The following TNFRSF8 variants were observed in gnomAD, a reference collection of about 807,000 sequenced individuals.
TNFRSF8 encodes the protein TNF receptor superfamily member 8, also known as tumor necrosis factor receptor superfamily member 8.
TNFRSF8 carries 26 observed loss-of-function variants against 70.8 expected under a neutral mutation model. The ratio of observed to expected loss-of-function variants is 0.37; its 90% CI spans 0.27 to 0.51. The LOEUF (loss-of-function observed/expected upper bound fraction) is 0.51. Ranked by LOEUF, TNFRSF8 falls within the 20% of genes least tolerant of loss-of-function variation. The pLI is 0.94. For synonymous variants in TNFRSF8, 356 were observed against 339.2 expected (o/e 1.05, Z -0.54); for missense variants, 720 against 807.9 (o/e 0.89, Z 1.32).
Position 12,111,980 on chromosome 1 carries a change from C to T in TNFRSF8, c.759C>T (p.Ala253=), listed in dbSNP as rs145457491. 7.7e-5 allele frequency: 125 copies of T among 1,614,186 alleles called. No individual in the cohort carries two copies. The highest frequency in any genetic ancestry group is 2.0e-4 in the Admixed American group (12 of 60,034). Residue 253 remains alanine, a synonymous_variant, in exon 7 of 15, where the codon GCC becomes GCT. Transcript: ENST00000263932. The stretch of plus-strand genomic sequence containing the variant: ...AGCCCGACTACTACCTGGACGAGGC[C>T]GGCCGCTGCACGGCCTGCGTGAGCT... ...QCEPDYYLDE[A]GRCTACVSCS... is the part of the protein sequence containing the mutation.
Position 12,110,291 on chromosome 1 carries a change from G to A in TNFRSF8, c.676+87G>A, listed in dbSNP as rs1641607039. The A allele has an allele frequency of 1.5e-6, 2 of 1,361,950 alleles. No homozygotes were observed. The allele number at this position is 1,361,950 out of a possible 1,614,324, so 84.4% of individuals were successfully genotyped here. A position where few individuals can be genotyped will look rare whatever the true frequency, so the allele number is the denominator to read the frequency against. ...GAGTGGGGGTGTTTGGAGCAGGCGGGCAGTGATCTGTGGTCTTTTCCTGGT... is the reference window on the plus strand; with the variant it reads ...GAGTGGGGGTGTTTGGAGCAGGCGGACAGTGATCTGTGGTCTTTTCCTGGT... On this transcript the variant is annotated intron_variant, in intron 6 of 14. Coordinates refer to ENST00000263932, the MANE Select transcript of TNFRSF8 (RefSeq NM_001243.5). This position sits in a 1 kb window ranked among gnomAD's most constrained non-coding sequence, Gnocchi z 4.0.
chr1:12,116,857 C>T (rs11569898), intron 8 of TNFRSF8, among the ~76,000 whole-genome samples: 142 of 151,972 alleles, frequency 9.3e-4, no homozygotes, highest in African/African-American at 3.2e-3. Flanking sequence ...GTGAGGGCTG[C>T]CAGAGAAGTG....
intron 1 of TNFRSF8, among the ~76,000 whole-genome samples, chr1:12,073,566 C>CCTTTT: frequency 6.7e-6 from 1 of 150,302 alleles, no homozygotes; most frequent in East Asian, 2.0e-4. Context: ...CTTTCCCTTT[C>CCTTTT]CTTTTCCCTT....
At chr1:12,133,672 G>A (rs112046509) in intron 12 of TNFRSF8, among the ~76,000 whole-genome samples, 1,640 of 150,996 alleles carry the variant, frequency 0.011, 32 homozygotes, top group African/African-American at 0.038. Flanking sequence ...CCCAGGAGGC[G>A]GAGGTTGCAG....
intron 1 of TNFRSF8, among the ~76,000 whole-genome samples, chr1:12,076,397 G>C (rs1019482973): frequency 6.6e-6 from 1 of 152,120 alleles, no homozygotes; most frequent in African/African-American, 2.4e-5. Flanking sequence ...ACCGTGCCCG[G>C]CCTCAGTTTT....
At chr1:12,129,034 C>T (rs923814788) in intron 12 of TNFRSF8, among the ~76,000 whole-genome samples, 22 of 151,980 alleles carry the variant, frequency 1.4e-4, no homozygotes, top group Admixed American at 5.2e-4. Context: ...GGGGTTTCAC[C>T]GTGTTGGCCA....
intron 2 of TNFRSF8, among the ~76,000 whole-genome samples, 153 bp from the exon 3 acceptor site, chr1:12,096,948 T>C (rs756194308): frequency 2.6e-5 from 4 of 152,242 alleles, no homozygotes; most frequent in Admixed American, 2.0e-4. Context: ...TGGGTGTCAG[T>C]GCTTCCATCC....
rs1235887139 is a variant in TNFRSF8 at position 12,113,479 on chromosome 1, A to AG, written c.793+1466dup. On this transcript the variant is annotated intron_variant, in intron 7 of 14. Coordinates refer to ENST00000263932, the MANE Select transcript of TNFRSF8 (RefSeq NM_001243.5). The surrounding 1 kb of genome is among the most constrained non-coding windows in gnomAD (Gnocchi z 4.9). ...ATGAGCCATTGCCCCCGGCCATAAAAGTCTTGAGAGAGAGAGACAGACAGA... is the reference window on the plus strand; with the variant it reads ...ATGAGCCATTGCCCCCGGCCATAAAAGGTCTTGAGAGAGAGAGACAGACAGA... 6.7e-6 allele frequency among the ~76,000 whole-genome samples: 1 copy of AG among 149,670 alleles called. No individual in the cohort carries two copies. Among genetic ancestry groups the AG allele is most frequent in the Non-Finnish European group, 1.5e-5 (1 of 68,014 alleles).
intron 8 of TNFRSF8, among the ~76,000 whole-genome samples, chr1:12,121,763 C>CA (rs2101023125): frequency 1.3e-5 from 2 of 152,328 alleles, no homozygotes; most frequent in East Asian, 3.9e-4. Context: ...TACGTTCACA[C>CA]AGAGGCACGC....
At chr1:12,096,215 C>T (rs1356847505) in intron 2 of TNFRSF8, among the ~76,000 whole-genome samples, 2 of 152,090 alleles carry the variant, frequency 1.3e-5, no homozygotes, top group Non-Finnish European at 2.9e-5. Context: ...GATTGGCCTG[C>T]TTGGGTCATG....
In TNFRSF8 at chr1:12,126,203, G is replaced by A. The variant is rs765077656; in HGVS notation, c.1276G>A (p.Val426Ile). Residue 426 changes from valine (V) to isoleucine (I), a missense_variant, in exon 12 of 15, where the codon GTC becomes ATC. Transcript: ENST00000263932. Reference sequence around the variant, plus strand: ...TTCAGAGCTCCACCTGTGCTACCCGGTCCAGACCTCCCAGCCCAAGCTAGA... The same window carrying A: ...TTCAGAGCTCCACCTGTGCTACCCGATCCAGACCTCCCAGCCCAAGCTAGA... Reference protein sequence around the residue: ...IRQKLHLCYPVQTSQPKLELV... With the variant: ...IRQKLHLCYPIQTSQPKLELV... 2 of 1,614,128 alleles carry A rather than the reference G, an allele frequency of 1.2e-6. No individual in the cohort carries two copies. The highest frequency in any genetic ancestry group is 1.7e-6 in the Non-Finnish European group (2 of 1,180,030).
At position 12,100,388 on chromosome 1, in the gene TNFRSF8, A is replaced by G. The variant is rs545749260; in HGVS notation, c.268+3171A>G. Among the ~76,000 whole-genome samples the G allele has an allele frequency of 2.6e-5, 4 of 152,230 alleles. No individual in the cohort carries two copies. In the East Asian group the frequency reaches 5.8e-4, roughly 22 times the overall value. On this transcript the variant is annotated intron_variant, in intron 3 of 14. Coordinates refer to ENST00000263932, the MANE Select transcript of TNFRSF8 (RefSeq NM_001243.5). ...TATAAGACACATTTTTCTTTCTTCA[A>G]TAATAAATTAAACAACTTTTTCACT...
At chr1:12,099,966 C>T (rs749265115) in intron 3 of TNFRSF8, among the ~76,000 whole-genome samples, 3 of 152,034 alleles carry the variant, frequency 2.0e-5, no homozygotes, top group Non-Finnish European at 2.9e-5. Flanking sequence ...GTCAGGAGTT[C>T]GAGACCAGCC....
Position 12,122,282 on chromosome 1 carries a change from C to T in TNFRSF8, c.947-1002C>T, listed in dbSNP as rs1486667965. On this transcript the variant is annotated intron_variant, in intron 8 of 14. Transcript: ENST00000263932. ...CTGAGCTCAAGTGATCTGCCTGCTT[C>T]AGCCTCCCAAAGTGCTGGGATTACA... Among the ~76,000 whole-genome samples, 4 of 152,198 alleles carry T rather than the reference C, an allele frequency of 2.6e-5. No individual in the cohort carries two copies. The East Asian group carries it at 7.8e-4, about 30-fold the overall frequency.
Position 12,063,390 on chromosome 1 carries a change from A to ATC in TNFRSF8, c.-209_-208insTC, listed in dbSNP as rs1640680631. The ATC allele has an allele frequency of 2.5e-6, 1 of 399,884 alleles. No individual in the cohort carries two copies. Among genetic ancestry groups the ATC allele is most frequent in the Non-Finnish European group, 4.4e-6 (1 of 228,846 alleles). 24.8% of individuals were successfully genotyped at this position (399,884 alleles called of 1,614,324 possible). On this transcript the variant is annotated 5_prime_UTR_variant, in exon 1 of 15. Transcript: ENST00000263932. This position sits in a 1 kb window ranked among gnomAD's most constrained non-coding sequence, Gnocchi z 7.2. ...GGAACCAATTTGATACGGGAGAACT[A>ATC]AGGCTGAAACCTCGGAGGAACAACC...
In TNFRSF8 at chr1:12,087,009, C is replaced by T. The variant is rs187477949; in HGVS notation, c.151+2458C>T. Among the ~76,000 whole-genome samples, 14 of 151,938 alleles carry T rather than the reference C, an allele frequency of 9.2e-5. No individual in the cohort carries two copies. The East Asian group carries it at 2.3e-3, about 25-fold the overall frequency. On this transcript the variant is annotated intron_variant, in intron 2 of 14. Coordinates refer to ENST00000263932, the MANE Select transcript of TNFRSF8 (RefSeq NM_001243.5). ...CGCCTTCCCATATCCCTCCAATTAT[C>T]CTCCCATTCACCGCCCCCATCCATA... is the stretch of plus-strand genomic sequence containing the variant.
chr1:12,104,763 C>G (rs1367706552), intron 4 of TNFRSF8, among the ~76,000 whole-genome samples: 4 of 152,192 alleles, frequency 2.6e-5, no homozygotes, highest in South Asian at 2.1e-4. Flanking sequence ...TGGCATAGAC[C>G]TGGCTGGAGG....
At chr1:12,077,133 G>C (rs1640980143) in intron 1 of TNFRSF8, among the ~76,000 whole-genome samples, 1 of 151,892 alleles carries the variant, frequency 6.6e-6, no homozygotes, top group Non-Finnish European at 1.5e-5. Flanking sequence ...CGTGTTGCCC[G>C]GGCTGGTCTC....
chr1:12,115,011 A>C (rs1003587479), intron 7 of TNFRSF8, among the ~76,000 whole-genome samples: 3 of 152,076 alleles, frequency 2.0e-5, no homozygotes, highest in Non-Finnish European at 4.4e-5. Flanking sequence ...CTGGCCAAAA[A>C]ATCTTTTTAT....
Sources: gnomAD v4.1 joint callset for allele counts (sites outside exome capture counted in the v4.1 genomes callset) on GRCh38, gnomAD v4.1.1 for gene constraint, Gnocchi (gnomAD v3.1) non-coding constraint, MANE v1.5 for transcripts, NCBI Gene and HGNC (gene_info 2026-07-23, HGNC 2026-07-21) for gene names.